Variants in PRKCB observed in about 807,000 individuals in gnomAD.
PRKCB encodes protein kinase C beta, also known as protein kinase C beta type.
In PRKCB, 13 loss-of-function variants were observed where a neutral mutation model predicts 81.5. The observed-to-expected ratio is 0.16, with a 90% CI of 0.10 to 0.25. The LOEUF (loss-of-function observed/expected upper bound fraction) is 0.25. Ranked by LOEUF, PRKCB falls within the 10% of genes least tolerant of loss-of-function variation. The pLI is 1.00. For synonymous variants in PRKCB, 335 were observed against 321.4 expected (o/e 1.04, Z -0.45); for missense variants, 509 against 875.7 (o/e 0.58, Z 5.29).
intron 2 of PRKCB, chr16:23,893,011 A>C (rs889534593): frequency 4.0e-5 from 6 of 151,870 alleles, no homozygotes; most frequent in Non-Finnish European, 5.9e-5. Flanking sequence ...TATAGGGTGA[A>C]CTTACAATGG....
rs530169795 is a variant in PRKCB, at chr16:24,103,170, G to A, written c.821+8873G>A. ...TTACAGGTGTGAACCACCGCACGTG[G>A]CCAAAAATAATGAACAAGCATTTAA... On this transcript the variant is annotated intron_variant, in intron 7 of 16. Coordinates refer to ENST00000643927, the MANE Select transcript of PRKCB (RefSeq NM_002738.7). 5.9e-5 allele frequency among the ~76,000 whole-genome samples: 9 copies of A among 152,312 alleles called. No homozygotes were observed. In the South Asian group the frequency reaches 1.9e-3, roughly 32 times the overall value.
chr16:23,843,602 G>A (rs1362830557), intron 2 of PRKCB, among the ~76,000 whole-genome samples: 2 of 152,060 alleles, frequency 1.3e-5, no homozygotes, highest in Non-Finnish European at 2.9e-5. Flanking sequence ...GGAGTCTGAA[G>A]CTTTGTCACT....
chr16:24,125,280 T>C (rs1375295684), intron 9 of PRKCB, among the ~76,000 whole-genome samples: 1 of 152,122 alleles, frequency 6.6e-6, no homozygotes, highest in Non-Finnish European at 1.5e-5. Context: ...AGCAATTCTA[T>C]GTTACATCCT....
At chr16:24,198,957 G>A (rs562284954) in intron 16 of PRKCB, among the ~76,000 whole-genome samples, 2 of 152,176 alleles carry the variant, frequency 1.3e-5, no homozygotes, top group African/African-American at 4.8e-5. Flanking sequence ...CCTGTGTCAG[G>A]CCTCACTAAC....
intron 10 of PRKCB, among the ~76,000 whole-genome samples, chr16:24,156,309 C>G (rs1967155589): frequency 2.6e-5 from 4 of 151,802 alleles, no homozygotes; most frequent in Admixed American, 2.6e-4. Context: ...GGGTCTGGCT[C>G]TGTCTCCCCA....
intron 7 of PRKCB, chr16:24,098,280 A>G (rs1422414802): frequency 6.6e-6 from 1 of 152,250 alleles, no homozygotes; most frequent in African/African-American, 2.4e-5. Context: ...TTAGCTCACT[A>G]AGGAGAAAAG....
intron 16 of PRKCB, among the ~76,000 whole-genome samples, chr16:24,204,912 G>C (rs1968020005): frequency 6.6e-6 from 1 of 151,860 alleles, no homozygotes. Context: ...ACGAGGTCAG[G>C]AGTTCGAGAC....
intron 10 of PRKCB, among the ~76,000 whole-genome samples, chr16:24,161,341 A>G (rs1198699189): frequency 6.6e-6 from 1 of 152,226 alleles, no homozygotes; most frequent in East Asian, 1.9e-4. Flanking sequence ...ATTAAATCCT[A>G]TTTAAGATAT....
chr16:24,211,761 T>C (rs113533776), intron 16 of PRKCB, among the ~76,000 whole-genome samples: 19 of 152,060 alleles, frequency 1.2e-4, no homozygotes, highest in Non-Finnish European at 1.0e-4. Context: ...GATTTCACCA[T>C]GTTGGCCAGG....
chr16:24,138,135 C>G (rs1167788821), intron 9 of PRKCB, among the ~76,000 whole-genome samples: 1 of 152,190 alleles, frequency 6.6e-6, no homozygotes, highest in East Asian at 1.9e-4. Context: ...GCTTGCAGTC[C>G]TGAAGCGGTG....
rs148633125 is a variant in PRKCB, at chr16:23,915,149, A to T, written c.206-73359A>T. 8.5e-5 allele frequency among the ~76,000 whole-genome samples: 13 copies of T among 152,226 alleles called. No individual in the cohort carries two copies. The East Asian group carries it at 2.5e-3, about 29-fold the overall frequency. On this transcript the variant is annotated intron_variant, in intron 2 of 16. Coordinates refer to ENST00000643927, the MANE Select transcript of PRKCB (RefSeq NM_002738.7). The stretch of plus-strand genomic sequence containing the variant: ...CCCCTGATCTCTGGGGACTCCTTAG[A>T]CTAATGCAGTTTTAATGAATACACA...
At chr16:24,155,474 C>G (rs1361277027) in intron 10 of PRKCB, among the ~76,000 whole-genome samples, 1 of 152,172 alleles carries the variant, frequency 6.6e-6, no homozygotes, top group Admixed American at 6.5e-5. Context: ...CTTACCTTTC[C>G]CTGTTCAAAT....
chr16:23,858,981 A>G (rs2141088660), intron 2 of PRKCB, among the ~76,000 whole-genome samples: 1 of 152,274 alleles, frequency 6.6e-6, no homozygotes, highest in South Asian at 2.1e-4. Flanking sequence ...ATAAAAAAAA[A>G]TGAGCTAGGT....
rs11444083 is a variant in PRKCB at position 24,085,149 on chromosome 16, G to GAAA, written c.530-7630_530-7628dup. 5.3e-3 allele frequency among the ~76,000 whole-genome samples: 731 copies of GAAA among 138,102 alleles called. 7 individuals carry two copies. Among genetic ancestry groups the GAAA allele is most frequent in the Non-Finnish European group, 7.3e-3 (473 of 64,790 alleles). The allele number at this position is 138,102 out of a possible 152,430, so 90.6% of individuals were successfully genotyped here. Reference sequence around the variant, plus strand: ...GAGGAACTGGAGGGTTTGATGAAATGAAAAAAAAAAAAAAGCCAGGTAAAG... The same window carrying GAAA: ...GAGGAACTGGAGGGTTTGATGAAATGAAAAAAAAAAAAAAAAAGCCAGGTAAAG... On this transcript the variant is annotated intron_variant, in intron 5 of 16. Transcript: ENST00000643927.
At chr16:23,906,503 C>T (rs1246131330) in intron 2 of PRKCB, among the ~76,000 whole-genome samples, 1 of 152,068 alleles carries the variant, frequency 6.6e-6, no homozygotes, top group African/African-American at 2.4e-5. Context: ...ACTCTGTAGA[C>T]ATTAAAAAAT....
At chr16:24,014,467 C>T (rs1965250453) in intron 3 of PRKCB, among the ~76,000 whole-genome samples, 1 of 152,142 alleles carries the variant, frequency 6.6e-6, no homozygotes, top group Non-Finnish European at 1.5e-5. Context: ...TCGAAGGCCC[C>T]CTGGGGAATA....
At chr16:24,047,560 G>T (rs1017695829) in intron 5 of PRKCB, among the ~76,000 whole-genome samples, 1 of 151,418 alleles carries the variant, frequency 6.6e-6, no homozygotes, top group South Asian at 2.1e-4. Flanking sequence ...AAGAATTTGA[G>T]CACCCGCCTC....
rs116585927 is a variant in PRKCB, at chr16:24,011,442, A to T, written c.289-20694A>T. Among the ~76,000 whole-genome samples the T allele has an allele frequency of 5.6e-3, 859 of 152,248 alleles. 10 individuals are homozygous for T. Among genetic ancestry groups the T allele is most frequent in the African/African-American group, 0.019 (793 of 41,558 alleles). ...GTTAATAAAGAGTGTGGACTTTGGA[A>T]CTAGCCTGCCTGGGCTCCAATCTTG... On this transcript the variant is annotated intron_variant, in intron 3 of 16. Coordinates refer to ENST00000643927, the MANE Select transcript of PRKCB (RefSeq NM_002738.7).
At chr16:23,931,824 T>C (rs988134591) in intron 2 of PRKCB, among the ~76,000 whole-genome samples, 1 of 152,222 alleles carries the variant, frequency 6.6e-6, no homozygotes, top group Non-Finnish European at 1.5e-5. Flanking sequence ...TGCATTTCCT[T>C]AACAATGATC....
Sources: gnomAD v4.1 joint callset for allele counts (sites outside exome capture counted in the v4.1 genomes callset) on GRCh38, gnomAD v4.1.1 for gene constraint, MANE v1.5 for transcripts, NCBI Gene and HGNC (gene_info 2026-07-23, HGNC 2026-07-21) for gene names.